The following SAMD12 variants were observed in gnomAD, a reference collection of about 807,000 sequenced individuals.
SAMD12 encodes the protein sterile alpha motif domain-containing protein 12.
Under a neutral mutation model 15.0 loss-of-function variants are expected in SAMD12, and 9 were observed. The ratio of observed to expected loss-of-function variants is 0.60; its 90% CI spans 0.36 to 1.05. SAMD12 has a LOEUF of 1.05. Ranked by LOEUF, SAMD12 falls within the 50% of genes least tolerant of loss-of-function variation. The probability of loss-of-function intolerance (pLI) is 0.01; values close to 1 mark genes in which losing one functional copy is unlikely to be tolerated. For missense variants in SAMD12, 230 were observed against 234.2 expected (o/e 0.98, Z 0.12); for synonymous variants, 86 against 90.1 (o/e 0.96, Z 0.25).
At chr8:118,550,538 T>C (rs1586810335) in intron 2 of SAMD12, among the ~76,000 whole-genome samples, 1 of 151,864 alleles carries the variant, frequency 6.6e-6, no homozygotes, top group African/African-American at 2.4e-5. Flanking sequence ...GCACTAAACA[T>C]GGAAAGGAAC....
intron 2 of SAMD12, among the ~76,000 whole-genome samples, chr8:118,578,759 C>T (rs1827212205): frequency 2.0e-5 from 3 of 152,186 alleles, no homozygotes; most frequent in African/African-American, 7.2e-5. Context: ...TCCTCGTCCT[C>T]CATTTAAACA....
Position 118,514,708 on chromosome 8 carries a change from C to G in SAMD12, c.192+66007G>C, listed in dbSNP as rs536239054. Among the ~76,000 whole-genome samples the G allele has an allele frequency of 5.9e-5, 9 of 152,278 alleles. No homozygotes were observed. In the South Asian group the frequency reaches 1.9e-3, roughly 32 times the overall value. ...ACCTTGAACTAAATTGTAGCATGGA[C>G]AAGTGGTGGTTAATAACAAAGATTA... On this transcript the variant is annotated intron_variant, in intron 2 of 3. Coordinates refer to ENST00000314727, the MANE Select transcript of SAMD12 (RefSeq NM_207506.3).
intron 2 of SAMD12, among the ~76,000 whole-genome samples, chr8:118,482,699 A>C (rs1170377545): frequency 6.6e-6 from 1 of 152,218 alleles, no homozygotes. Context: ...GGGAGGTCCT[A>C]GAATCAATCC....
At chr8:118,473,526 G>C (rs1823866983) in intron 2 of SAMD12, among the ~76,000 whole-genome samples, 1 of 152,086 alleles carries the variant, frequency 6.6e-6, no homozygotes, top group South Asian at 2.1e-4. Flanking sequence ...TGGATTTGCT[G>C]CCACCCTGAC....
At chr8:118,276,094 A>G (rs1813467869) in intron 4 of SAMD12, among the ~76,000 whole-genome samples, 1 of 152,168 alleles carries the variant, frequency 6.6e-6, no homozygotes, top group Non-Finnish European at 1.5e-5. Flanking sequence ...ATTAATTTTT[A>G]TAAAGTTTCT....
chr8:118,520,380 G>T (rs1825356497), intron 2 of SAMD12, among the ~76,000 whole-genome samples: 1 of 152,138 alleles, frequency 6.6e-6, no homozygotes, highest in Non-Finnish European at 1.5e-5. Flanking sequence ...GTACGGGTGT[G>T]AGATACTTGA....
At chr8:118,588,366 G>A (rs375193426) in intron 1 of SAMD12, among the ~76,000 whole-genome samples, 1 of 152,308 alleles carries the variant, frequency 6.6e-6, no homozygotes, top group South Asian at 2.1e-4. Flanking sequence ...TAGGACAGGG[G>A]TCAGCAAACT....
chr8:118,387,118 G>C (rs958716163), intron 3 of SAMD12, among the ~76,000 whole-genome samples: 1 of 152,178 alleles, frequency 6.6e-6, no homozygotes, highest in Non-Finnish European at 1.5e-5. Flanking sequence ...GCAGGCATGG[G>C]GCATACAACC....
At chr8:118,158,726 CA>C in the SAMD12 span, among the ~76,000 whole-genome samples, 1 of 152,182 alleles carries the variant, frequency 6.6e-6, no homozygotes, top group Non-Finnish European at 1.5e-5. Context: ...ATGGACCAAT[CA>C]GCATGCACTT....
chr8:118,488,528 C>T (rs552401785), intron 2 of SAMD12, among the ~76,000 whole-genome samples: 135 of 152,214 alleles, frequency 8.9e-4, no homozygotes, highest in African/African-American at 3.1e-3. Context: ...TCTTGGCACC[C>T]AATCCCCTCC....
rs187298576 is a variant in SAMD12, at chr8:118,208,206, G to A, written c.434-10474C>T. Among the ~76,000 whole-genome samples the A allele has an allele frequency of 1.5e-3, 234 of 152,174 alleles. 2 individuals are homozygous for A. The highest frequency in any genetic ancestry group is 5.5e-3 in the African/African-American group (228 of 41,506). On this transcript the variant is annotated intron_variant, in intron 4 of 4. Coordinates refer to the SAMD12 transcript ENST00000409003. ...CAGGAGGCAGAGGTTGTGGTGAGCC[G>A]AGATTGTGCCATTGCACTCCAGCCT...
chr8:118,432,737 G>A (rs1416335028), intron 3 of SAMD12, among the ~76,000 whole-genome samples: 1 of 152,108 alleles, frequency 6.6e-6, no homozygotes, highest in Non-Finnish European at 1.5e-5. Context: ...GTGAATGGGT[G>A]GGTGTCAAGA....
chr8:118,441,956 T>C lies in SAMD12; in HGVS notation c.193-1995A>G, dbSNP rs191916168. Among the ~76,000 whole-genome samples, 414 of 152,222 alleles carry C rather than the reference T, an allele frequency of 2.7e-3. 3 individuals carry two copies. The highest frequency in any genetic ancestry group is 0.011 in the South Asian group (54 of 4,822). ...TGCCAGCTAAGGTCTCAGTTGACAG[T>C]CATCACCAACCACCAGACAAATGAA... On this transcript the variant is annotated intron_variant, in intron 2 of 3. Coordinates refer to ENST00000314727, the MANE Select transcript of SAMD12 (RefSeq NM_207506.3).
At chr8:118,316,286 G>T (rs779103997) in intron 4 of SAMD12, among the ~76,000 whole-genome samples, 7 of 151,138 alleles carry the variant, frequency 4.6e-5, no homozygotes, top group Non-Finnish European at 1.0e-4. Context: ...TGTAATCTCA[G>T]CACTTTGGGA....
At chr8:118,340,443 T>C (rs1817300237) in intron 4 of SAMD12, among the ~76,000 whole-genome samples, 1 of 152,148 alleles carries the variant, frequency 6.6e-6, no homozygotes, top group South Asian at 2.1e-4. Flanking sequence ...TACTCATACA[T>C]ATATGTATAT....
In SAMD12 at chr8:118,455,268, CCTCTCT is replaced by C. The variant is rs57371997; in HGVS notation, c.193-15313_193-15308del. The stretch of plus-strand genomic sequence containing the variant: ...ACACTTTCTTCTCCTGGCTTTCACA[CCTCTCT>C]CTCTCTCTCTCTCTCTCTACTGTTT... On this transcript the variant is annotated intron_variant, in intron 2 of 3. Coordinates refer to ENST00000314727, the MANE Select transcript of SAMD12 (RefSeq NM_207506.3). Among the ~76,000 whole-genome samples the C allele has an allele frequency of 4.7e-5, 7 of 148,628 alleles. No homozygotes were observed. In the South Asian group the frequency reaches 6.5e-4, roughly 14 times the overall value.
intron 2 of SAMD12, among the ~76,000 whole-genome samples, chr8:118,473,823 A>G (rs1053426802): frequency 7.2e-5 from 11 of 152,082 alleles, no homozygotes; most frequent in African/African-American, 2.4e-4. Context: ...AATTTTTCCC[A>G]TCACCCCACA....
chr8:118,475,731 T>A (rs1823941830), intron 2 of SAMD12, among the ~76,000 whole-genome samples: 1 of 152,178 alleles, frequency 6.6e-6, no homozygotes, highest in Non-Finnish European at 1.5e-5. Flanking sequence ...AATCAAAAAA[T>A]AGGAAAGTAT....
At chr8:118,381,252 C>T (rs145470741) in intron 3 of SAMD12, among the ~76,000 whole-genome samples, 1 of 152,264 alleles carries the variant, frequency 6.6e-6, no homozygotes, top group Non-Finnish European at 1.5e-5. Flanking sequence ...TCTGAAGATT[C>T]AGTGGAACCT....
Sources: gnomAD v4.1 joint callset for allele counts (sites outside exome capture counted in the v4.1 genomes callset) on GRCh38, gnomAD v4.1.1 for gene constraint, MANE v1.5 for transcripts, NCBI Gene and HGNC (gene_info 2026-07-23, HGNC 2026-07-21) for gene names.